LPAR6: variants seen among roughly 807,000 people sequenced by gnomAD.
LPAR6 encodes lysophosphatidic acid receptor 6, also known as G-protein coupled purinergic receptor P2Y5.
In LPAR6, 17 loss-of-function variants were observed where a neutral mutation model predicts 22.0. The ratio of observed to expected loss-of-function variants is 0.77; its 90% CI spans 0.53 to 1.16. The LOEUF (loss-of-function observed/expected upper bound fraction) is 1.16. LPAR6 is among the 50% of genes most tolerant of loss of function. The probability of loss-of-function intolerance (pLI) is 0.00; values close to 1 mark genes in which losing one functional copy is unlikely to be tolerated. For missense variants in LPAR6, 384 were observed against 406.9 expected (o/e 0.94, Z 0.48); for synonymous variants, 136 against 139.8 (o/e 0.97, Z 0.19).
intron 1 of LPAR6, among the ~76,000 whole-genome samples, chr13:48,396,207 G>C (rs1948646862): frequency 6.6e-6 from 1 of 152,066 alleles, no homozygotes; most frequent in Non-Finnish European, 1.5e-5. Flanking sequence ...TAAGCAAAAA[G>C]AACAAAGCTG....
At chr13:48,433,465 CT>C (rs1949150733) in intron 1 of LPAR6, among the ~76,000 whole-genome samples, 5 of 152,020 alleles carry the variant, frequency 3.3e-5, no homozygotes, top group Admixed American at 3.3e-4. Context: ...TTTTCAGGGA[CT>C]CCCTCAGAGT....
intron 1 of LPAR6, among the ~76,000 whole-genome samples, chr13:48,395,441 G>A (rs1480242288): frequency 6.6e-6 from 1 of 152,038 alleles, no homozygotes; most frequent in African/African-American, 2.4e-5. Flanking sequence ...CGAGCTAAAG[G>A]ACCATGTTCT....
chr13:48,429,142 A>C (rs1949105113), upstream of LPAR6: 1 of 152,226 alleles, frequency 6.6e-6, no homozygotes, highest in African/African-American at 2.4e-5. Context: ...TGGAAGTGCA[A>C]AAAAGGGTTG....
At chr13:48,426,542 A>G (rs1447950116) in intron 1 of LPAR6, 1 of 152,266 alleles carries the variant, frequency 6.6e-6, no homozygotes, top group Non-Finnish European at 1.5e-5. Flanking sequence ...TGGAGCTAGC[A>G]CTGGATCCTA....
chr13:48,430,045 G>C (rs1364915492), upstream of LPAR6, among the ~76,000 whole-genome samples: 1 of 152,010 alleles, frequency 6.6e-6, no homozygotes, highest in East Asian at 1.9e-4. Flanking sequence ...AGATACTGTG[G>C]GTTATATCAC....
chr13:48,423,996 A>G (rs1221260676), intron 1 of LPAR6: 1 of 152,676 alleles, frequency 6.5e-6, no homozygotes, highest in Non-Finnish European at 1.5e-5. Context: ...AACTTACTTC[A>G]GTCATTTTGC....
At chr13:48,398,600 T>C (rs148799825) in intron 1 of LPAR6, among the ~76,000 whole-genome samples, 5 of 152,154 alleles carry the variant, frequency 3.3e-5, no homozygotes, top group Non-Finnish European at 5.9e-5. Flanking sequence ...GATCATCAGC[T>C]CTCTTTAAGT....
intron 1 of LPAR6, among the ~76,000 whole-genome samples, chr13:48,403,416 TGGA>T (rs1188204645): frequency 6.6e-6 from 1 of 151,738 alleles, no homozygotes; most frequent in Admixed American, 6.6e-5. Flanking sequence ...TGGAGGGAAG[TGGA>T]GGAGTTGATT....
intron 1 of LPAR6, among the ~76,000 whole-genome samples, chr13:48,432,768 C>T (rs1198026562): frequency 6.6e-6 from 1 of 151,830 alleles, no homozygotes; most frequent in East Asian, 1.9e-4. Flanking sequence ...ATTTTATTTC[C>T]TTGGAATAAA....
At chr13:48,423,030 T>C (rs780991274) in intron 1 of LPAR6, among the ~76,000 whole-genome samples, 2 of 152,016 alleles carry the variant, frequency 1.3e-5, no homozygotes, top group Non-Finnish European at 2.9e-5. Context: ...CTAGGGAGGC[T>C]GAGGTGGGTG....
chr13:48,419,566 A>G (rs1394933719), intron 2 of LPAR6, among the ~76,000 whole-genome samples: 1 of 152,200 alleles, frequency 6.6e-6, no homozygotes, highest in East Asian at 1.9e-4. Flanking sequence ...GAGAAACACG[A>G]AAAACCCTTC....
At chr13:48,443,436 A>C (rs1245907488) in intron 1 of LPAR6, among the ~76,000 whole-genome samples, 1 of 152,190 alleles carries the variant, frequency 6.6e-6, no homozygotes, top group Admixed American at 6.5e-5. Context: ...CCACACTCAA[A>C]AAATATTTCT....
At chr13:48,420,470 C>G (rs1948988318) in intron 2 of LPAR6, among the ~76,000 whole-genome samples, 1 of 152,184 alleles carries the variant, frequency 6.6e-6, no homozygotes, top group African/African-American at 2.4e-5. Flanking sequence ...CCTTTGAAAA[C>G]TGGCACAAGA....
downstream of LPAR6, among the ~76,000 whole-genome samples, chr13:48,410,690 T>G (rs115954253): frequency 9.2e-3 from 1,402 of 152,270 alleles, 23 homozygotes; most frequent in African/African-American, 0.032. Flanking sequence ...TTGTGGCATA[T>G]ATCATTTTGA....
intron 2 of LPAR6, among the ~76,000 whole-genome samples, chr13:48,419,668 G>A (rs913057663): frequency 9.9e-5 from 15 of 151,508 alleles, no homozygotes; most frequent in Admixed American, 5.9e-4. Flanking sequence ...AAAGAGAGAA[G>A]AATCAAATAG....
intron 1 of LPAR6, chr13:48,404,190 G>C (rs1003663270): frequency 6.6e-6 from 1 of 152,164 alleles, no homozygotes; most frequent in Admixed American, 6.5e-5. Flanking sequence ...CAGACACGGG[G>C]CTAGGGTTTC....
chr13:48,394,155 G>T (rs1399294950), intron 1 of LPAR6, among the ~76,000 whole-genome samples: 1 of 152,138 alleles, frequency 6.6e-6, no homozygotes, highest in Non-Finnish European at 1.5e-5. Context: ...AGGGGTTGGG[G>T]AACTCCCTCC....
upstream of LPAR6, among the ~76,000 whole-genome samples, chr13:48,428,495 G>A (rs978051564): frequency 1.1e-4 from 17 of 152,004 alleles, no homozygotes; most frequent in African/African-American, 3.4e-4. Flanking sequence ...CACGAGATTT[G>A]GAAGGGACAA....
chr13:48,398,257 A>T (rs1429221128), intron 1 of LPAR6, among the ~76,000 whole-genome samples: 1 of 152,168 alleles, frequency 6.6e-6, no homozygotes, highest in African/African-American at 2.4e-5. Flanking sequence ...CTGAAAACAT[A>T]GCTAAAGCTT....
Sources: allele counts gnomAD v4.1 joint callset (sites outside exome capture counted in the v4.1 genomes callset), GRCh38; gene constraint gnomAD v4.1.1; transcripts MANE v1.5; gene names NCBI Gene and HGNC (gene_info 2026-07-23, HGNC 2026-07-21).